The following CCDC3 variants were observed in gnomAD, a reference collection of about 807,000 sequenced individuals.
The protein encoded by CCDC3 is coiled-coil domain containing 3, also known as coiled-coil domain-containing protein 3.
CCDC3 carries 24 observed loss-of-function variants against 21.4 expected under a neutral mutation model. That is an observed-to-expected ratio of 1.12 (90% CI 0.81 to 1.58). The LOEUF is 1.58. CCDC3 is among the 40% of genes most tolerant of loss of function. CCDC3 has a pLI of 0.00. For missense variants in CCDC3, 425 were observed against 360.9 expected, an observed-to-expected ratio of 1.18 and a Z score of -1.44; for synonymous variants, 186 against 166.0, an observed-to-expected ratio of 1.12 and a Z score of -0.93.
intron 2 of CCDC3, among the ~76,000 whole-genome samples, chr10:12,930,858 G>A (rs1403637057): frequency 6.6e-6 from 1 of 152,134 alleles, no homozygotes; most frequent in East Asian, 1.9e-4. Context: ...GCACAGGAGG[G>A]GCTTTGGAGA....
intron 5 of CCDC3, among the ~76,000 whole-genome samples, chr10:13,020,133 C>G (rs968664201): frequency 3.3e-5 from 5 of 152,166 alleles, no homozygotes; most frequent in African/African-American, 4.8e-5. Context: ...ACAATTTTCA[C>G]TTCGACTTCA....
At chr10:12,953,235 A>G (rs1046821532) in intron 2 of CCDC3, among the ~76,000 whole-genome samples, 5 of 152,178 alleles carry the variant, frequency 3.3e-5, no homozygotes, top group Non-Finnish European at 7.3e-5. Flanking sequence ...TTTTAAAACT[A>G]TCAGATCTCA....
intron 1 of CCDC3, among the ~76,000 whole-genome samples, chr10:12,999,378 C>A (rs1485947501): frequency 1.3e-5 from 2 of 152,134 alleles, no homozygotes; most frequent in African/African-American, 4.8e-5. Flanking sequence ...CATTTAAAGG[C>A]CTAGCATTAA....
intron 5 of CCDC3, among the ~76,000 whole-genome samples, chr10:13,025,358 C>A (rs984108053): frequency 6.6e-6 from 1 of 152,190 alleles, no homozygotes; most frequent in Non-Finnish European, 1.5e-5. Flanking sequence ...CCTTCCCTTG[C>A]ATCAGTCTTC....
chr10:12,916,981 T>G (rs1834367028), intron 2 of CCDC3, among the ~76,000 whole-genome samples: 1 of 151,988 alleles, frequency 6.6e-6, no homozygotes. Flanking sequence ...TTATGCCCAG[T>G]GCAATGGTAC....
chr10:13,054,622 C>G (rs1836658257), intron 4 of CCDC3, among the ~76,000 whole-genome samples: 1 of 152,124 alleles, frequency 6.6e-6, no homozygotes, highest in Non-Finnish European at 1.5e-5. Context: ...AAGTTAAGCC[C>G]TGGAACCCGA....
At chr10:12,972,527 G>C (rs1835358442) in intron 2 of CCDC3, among the ~76,000 whole-genome samples, 1 of 152,096 alleles carries the variant, frequency 6.6e-6, no homozygotes, top group African/African-American at 2.4e-5. Flanking sequence ...TTTAAAATGA[G>C]AAATTGGGCC....
Position 13,010,673 on chromosome 10 carries a change from T to C in CCDC3, c.-1-12161A>G, listed in dbSNP as rs370166303. Among the ~76,000 whole-genome samples, 7 of 152,326 alleles carry C rather than the reference T, an allele frequency of 4.6e-5. 1 individual carries two copies. Among genetic ancestry groups the C allele is most frequent in the African/African-American group, 1.7e-4 (7 of 41,566 alleles). On this transcript the variant is annotated intron_variant, in intron 5 of 6. Transcript: ENST00000378839. ...CTCGTATATGAATGGCGGTAGCAGC[T>C]TTATTTGTAGTAGCCCCAAACTAGA...
intron 4 of CCDC3, among the ~76,000 whole-genome samples, chr10:13,056,922 G>A (rs1323079874): frequency 1.3e-5 from 2 of 152,184 alleles, no homozygotes; most frequent in African/African-American, 4.8e-5. Flanking sequence ...ATCATGGAAG[G>A]CAAGACTGGA....
At chr10:13,029,668 C>G (rs1032257563) in intron 5 of CCDC3, among the ~76,000 whole-genome samples, 5 of 152,188 alleles carry the variant, frequency 3.3e-5, no homozygotes, top group Admixed American at 3.3e-4. Flanking sequence ...AGCTGAAAAT[C>G]ATGGTACGAG....
intron 2 of CCDC3, among the ~76,000 whole-genome samples, chr10:12,986,228 A>G (rs1457276785): frequency 6.6e-6 from 1 of 152,230 alleles, no homozygotes; most frequent in Non-Finnish European, 1.5e-5. Context: ...AGTAAGATAC[A>G]TGTAATAAAC....
intron 5 of CCDC3, among the ~76,000 whole-genome samples, chr10:13,010,299 A>G (rs1450994196): frequency 2.0e-5 from 3 of 152,154 alleles, no homozygotes; most frequent in Admixed American, 6.6e-5. Context: ...AAACAACCCA[A>G]TATAAAAAAT....
intron 2 of CCDC3, among the ~76,000 whole-genome samples, chr10:12,996,802 C>G (rs1490491557): frequency 6.6e-6 from 1 of 152,084 alleles, no homozygotes; most frequent in Non-Finnish European, 1.5e-5. Flanking sequence ...AGCTGGAGGC[C>G]ATTATCCTAA....
chr10:12,953,268 A>T (rs1280665784), intron 2 of CCDC3, among the ~76,000 whole-genome samples: 2 of 152,084 alleles, frequency 1.3e-5, no homozygotes, highest in Admixed American at 6.6e-5. Flanking sequence ...ACTGTCATGA[A>T]AACAGCACGG....
intron 2 of CCDC3, among the ~76,000 whole-genome samples, chr10:12,941,384 AT>A (rs1834828978): frequency 6.6e-6 from 1 of 151,980 alleles, no homozygotes; most frequent in Non-Finnish European, 1.5e-5. Flanking sequence ...CCATTCTTTT[AT>A]TCTTGTACTT....
intron 2 of CCDC3, among the ~76,000 whole-genome samples, chr10:12,940,668 T>C (rs998538521): frequency 8.2e-5 from 12 of 146,626 alleles, no homozygotes; most frequent in Non-Finnish European, 1.6e-4. Context: ...AGAAGCTAAG[T>C]AATAAGTCAA....
chr10:13,070,174 G>A (rs945970491), intron 4 of CCDC3, among the ~76,000 whole-genome samples: 1 of 152,116 alleles, frequency 6.6e-6, no homozygotes, highest in Non-Finnish European at 1.5e-5. Context: ...AACTTATTTT[G>A]AGCTATTTAC....
chr10:13,083,924 C>T (rs1837072886), intron 3 of CCDC3, among the ~76,000 whole-genome samples: 2 of 152,190 alleles, frequency 1.3e-5, no homozygotes, highest in Non-Finnish European at 2.9e-5. Context: ...GTAAAATAAC[C>T]TTGCTGAGAA....
Position 12,899,237 on chromosome 10 carries a change from C to T in CCDC3, c.550-558G>A, listed in dbSNP as rs190714235. On this transcript the variant is annotated intron_variant, in intron 2 of 2. Transcript: ENST00000378825. ...AAAGAAAACGCCAGTATCTCTTAAA[C>T]GCATGAAAAGATGCTTAACCCCACT... 1.8e-4 allele frequency among the ~76,000 whole-genome samples: 28 copies of T among 152,214 alleles called. 1 individual carries two copies. The highest frequency in any genetic ancestry group is 5.8e-4 in the African/African-American group (24 of 41,530).
Sources: allele counts gnomAD v4.1 joint callset (sites outside exome capture counted in the v4.1 genomes callset), GRCh38; gene constraint gnomAD v4.1.1; transcripts MANE v1.5; gene names NCBI Gene and HGNC (gene_info 2026-07-23, HGNC 2026-07-21).